Variants in ABCB5 observed in about 807,000 individuals in gnomAD.
The protein encoded by ABCB5 is ATP-binding cassette sub-family B member 5.
ABCB5 carries 155 observed loss-of-function variants against 144.2 expected under a neutral mutation model. The ratio of observed to expected loss-of-function variants is 1.08; its 90% CI spans 0.94 to 1.23. The LOEUF is 1.23. Among genes scored for constraint, ABCB5 ranks in the 50% most tolerant of loss-of-function variants. The pLI, the probability that ABCB5 is intolerant of heterozygous loss-of-function variation, is 0.00. For synonymous variants in ABCB5, 610 were observed against 528.6 expected, an observed-to-expected ratio of 1.15 and a Z score of -2.11; for missense variants, 1,830 against 1,520.8, an observed-to-expected ratio of 1.20 and a Z score of -3.38.
intron 14 of ABCB5, among the ~76,000 whole-genome samples, chr7:20,660,594 G>A (rs1237361309): frequency 6.6e-6 from 1 of 152,154 alleles, no homozygotes; most frequent in Non-Finnish European, 1.5e-5. Context: ...CACCACCATA[G>A]ACTGCAGTTA....
intron 14 of ABCB5, among the ~76,000 whole-genome samples, chr7:20,665,724 A>AAGATAGATAGAT (rs35101575): frequency 0.018 from 2,380 of 134,450 alleles, 60 homozygotes; most frequent in African/African-American, 0.045. Context: ...TAGAGATGGA[A>AAGATAGATAGAT]AGATAGATAG....
At chr7:20,703,246 A>G (rs1191433646) in intron 19 of ABCB5, among the ~76,000 whole-genome samples, 4 of 152,240 alleles carry the variant, frequency 2.6e-5, no homozygotes, top group Non-Finnish European at 5.9e-5. Context: ...TTGGAGAGAG[A>G]GAACACAATA....
At chr7:20,690,823 C>T (rs759453605) in intron 16 of ABCB5, among the ~76,000 whole-genome samples, 3 of 152,096 alleles carry the variant, frequency 2.0e-5, no homozygotes, top group Non-Finnish European at 4.4e-5. Flanking sequence ...AGAGGAAACC[C>T]AGGAGAGTGT....
At chr7:20,748,470 T>C (rs1266278841) in intron 26 of ABCB5, among the ~76,000 whole-genome samples, 5 of 151,750 alleles carry the variant, frequency 3.3e-5, no homozygotes, top group Non-Finnish European at 7.4e-5. Context: ...GCCAACATGG[T>C]GAAACCCTGT....
chr7:20,629,038 AAAT>A (rs1216398501), intron 4 of ABCB5, among the ~76,000 whole-genome samples, 200 bp downstream of exon 4: 1 of 141,102 alleles, frequency 7.1e-6, no homozygotes, highest in Non-Finnish European at 1.6e-5. Context: ...AATTGAATTA[AAAT>A]AAATAAATAA....
In ABCB5 at chr7:20,658,801, T is replaced by C. The variant is rs774904246; in HGVS notation, c.1707+125T>C. ...GCCCTCTTAAGGTATAAAGGCAGGA[T>C]GTTAATCCACTGAGAACTTACGTGA... On this transcript the variant is annotated intron_variant, in intron 14 of 27. Transcript: ENST00000404938. 8.3e-6 allele frequency: 10 copies of C among 1,202,272 alleles called. No individual in the cohort carries two copies. In the African/African-American group the frequency reaches 9.2e-5, roughly 11 times the overall value. 74.5% of individuals were successfully genotyped at this position (1,202,272 alleles called of 1,614,324 possible).
chr7:20,681,056 CTCTCTTTCTTTCTTTCTTTCTT>C lies in ABCB5; in HGVS notation c.1708-445_1708-424del, dbSNP rs1562559103. 9.8e-3 allele frequency among the ~76,000 whole-genome samples: 504 copies of C among 51,312 alleles called. 56 individuals carry two copies. The highest frequency in any genetic ancestry group is 0.031 in the African/African-American group (434 of 14,138). 33.7% of individuals were successfully genotyped at this position (51,312 alleles called of 152,430 possible). ...TTTCTCTTTCTTTCTTTCTCTCTCTCTCTCTTTCTTTCTTTCTTTCTTTCTTTCTTTCTTTCTTTCTTTCTTT... is the reference window on the plus strand; with the variant it reads ...TTTCTCTTTCTTTCTTTCTCTCTCTCTCTTTCTTTCTTTCTTTCTTTCTTT... On this transcript the variant is annotated intron_variant, in intron 14 of 27. Coordinates refer to ENST00000404938, the MANE Select transcript of ABCB5 (RefSeq NM_001163941.2).
rs548111816 is a variant in ABCB5, at chr7:20,725,533, C to T, written c.2626-1507C>T. ...GGCAGAGGTTGCAGTGAGCCAAGATCGCACCACTGCACTCCAGCCTGGGCA... is the reference window on the plus strand; with the variant it reads ...GGCAGAGGTTGCAGTGAGCCAAGATTGCACCACTGCACTCCAGCCTGGGCA... On this transcript the variant is annotated intron_variant, in intron 21 of 27. Transcript: ENST00000404938. 2.3e-3 allele frequency among the ~76,000 whole-genome samples: 353 copies of T among 152,230 alleles called. 1 individual carries two copies. Among genetic ancestry groups the T allele is most frequent in the African/African-American group, 7.0e-3 (291 of 41,548 alleles).
chr7:20,628,825 C>A lies in ABCB5; in HGVS notation c.246C>A (p.Val82=), dbSNP rs1427862752. The change falls in exon 4 of 28, where the codon GTC becomes GTA. Residue 82 remains valine, a synonymous_variant. Transcript: ENST00000404938. ...MSDNLISGCL[V]QTNTTNYQNC... ...ATAACCTTATTAGTGGATGTCTAGTCCAAACTAACACAAGTGAGTATACGA... is the reference window on the plus strand; with the variant it reads ...ATAACCTTATTAGTGGATGTCTAGTACAAACTAACACAAGTGAGTATACGA... The A allele has an allele frequency of 6.2e-7, 1 of 1,613,468 alleles. No homozygotes were observed. The highest frequency in any genetic ancestry group is 8.5e-7 in the Non-Finnish European group (1 of 1,179,726).
At chr7:20,632,204 C>T (rs1412789128) in intron 5 of ABCB5, 91 bp downstream of exon 5, 6 of 776,388 alleles carry the variant, frequency 7.7e-6, no homozygotes, top group Non-Finnish European at 1.2e-5. Flanking sequence ...TTTGTATGAC[C>T]ATTAATATTA....
At chr7:20,617,397 C>T (rs1439128632) in intron 1 of ABCB5, among the ~76,000 whole-genome samples, 5 of 152,126 alleles carry the variant, frequency 3.3e-5, no homozygotes, top group African/African-American at 1.2e-4. Context: ...GCCAGAGGTC[C>T]TTTGACAATA....
intron 20 of ABCB5, among the ~76,000 whole-genome samples, chr7:20,721,146 A>AT (rs1781854824): frequency 6.6e-6 from 1 of 152,118 alleles, no homozygotes; most frequent in South Asian, 2.1e-4. Context: ...TGATCATGGT[A>AT]TTTTGGATAA....
intron 3 of ABCB5, among the ~76,000 whole-genome samples, chr7:20,628,134 T>A (rs1470225086): frequency 2.0e-5 from 3 of 152,166 alleles, no homozygotes; most frequent in Non-Finnish European, 4.4e-5. Flanking sequence ...CATTAGGTAT[T>A]TCTCCTAATA....
intron 4 of ABCB5, 69 bp downstream of exon 4, chr7:20,628,907 A>G (rs1418109739): frequency 2.0e-6 from 3 of 1,521,330 alleles, no homozygotes; most frequent in African/African-American, 2.7e-5. Context: ...ACAAACGTTA[A>G]GCTAGCAAGG....
intron 5 of ABCB5, among the ~76,000 whole-genome samples, chr7:20,632,682 T>TA (rs539659135): frequency 4.1e-4 from 62 of 152,134 alleles, no homozygotes; most frequent in African/African-American, 1.4e-3. Context: ...TATGCAGCCA[T>TA]AAAAAATGAT....
At chr7:20,669,209 A>G (rs111287795) in intron 14 of ABCB5, among the ~76,000 whole-genome samples, 4 of 143,780 alleles carry the variant, frequency 2.8e-5, no homozygotes, top group African/African-American at 1.0e-4. Flanking sequence ...CCCGGCCACG[A>G]CCCCGTCTGG....
At chr7:20,669,740 A>AAG (rs1554282936) in intron 14 of ABCB5, among the ~76,000 whole-genome samples, 23 of 124,124 alleles carry the variant, frequency 1.9e-4, no homozygotes, top group African/African-American at 6.0e-4. Flanking sequence ...AAAAAAAAAA[A>AAG]AAAGAAAATA....
chr7:20,654,704 A>G (rs1174730075), intron 13 of ABCB5, among the ~76,000 whole-genome samples: 1 of 152,202 alleles, frequency 6.6e-6, no homozygotes, highest in African/African-American at 2.4e-5. Context: ...GAAAAATCAC[A>G]AAAAACAATT....
chr7:20,647,609 C>T lies in ABCB5; in HGVS notation c.1056C>T (p.Ala352=), dbSNP rs372114886. The T allele has an allele frequency of 1.3e-6, 2 of 1,584,482 alleles. No homozygotes were observed. The highest frequency in any genetic ancestry group is 1.7e-6 in the Non-Finnish European group (2 of 1,163,692). Residue 352 remains alanine, a synonymous_variant, in exon 10 of 28, where the codon GCC becomes GCT. Transcript: ENST00000404938. ...AVPHFETFAI[A]RGAAFHIFQV... ...CTCACTTTGAAACCTTCGCAATAGC[C>T]CGAGGAGCTGCCTTTCATATTTTCC...
Sources: gnomAD v4.1 joint callset for allele counts (sites outside exome capture counted in the v4.1 genomes callset) on GRCh38, gnomAD v4.1.1 for gene constraint, MANE v1.5 for transcripts, NCBI Gene and HGNC (gene_info 2026-07-23, HGNC 2026-07-21) for gene names.